The following KCNN2 variants were observed in gnomAD, a reference collection of about 807,000 sequenced individuals.
The protein encoded by KCNN2 is small conductance calcium-activated potassium channel protein 2.
Under a neutral mutation model 55.5 loss-of-function variants are expected in KCNN2, and 24 were observed. The observed-to-expected ratio is 0.43, with a 90% CI of 0.31 to 0.61. The LOEUF (loss-of-function observed/expected upper bound fraction) is 0.61, where lower values mean the gene tolerates loss of function less well. Among genes scored for constraint, KCNN2 ranks in the 20% least tolerant of loss-of-function variants. The pLI, the probability that KCNN2 is intolerant of heterozygous loss-of-function variation, is 0.08. For synonymous variants in KCNN2, 431 were observed against 336.1 expected (o/e 1.28, Z -3.09); for missense variants, 754 against 853.6 (o/e 0.88, Z 1.45).
intron 3 of KCNN2, among the ~76,000 whole-genome samples, chr5:114,417,817 G>C (rs977846560): frequency 1.3e-4 from 20 of 152,142 alleles, no homozygotes; most frequent in African/African-American, 4.8e-4. Context: ...ATGTAAAAAT[G>C]GGGGTACAAA....
intron 4 of KCNN2, 152 bp from the exon 5 acceptor site, chr5:114,472,902 A>G: frequency 2.1e-6 from 1 of 470,318 alleles, no homozygotes; most frequent in Non-Finnish European, 3.8e-6. Flanking sequence ...CATTGCTTAC[A>G]TGTGTTGATC....
At chr5:114,059,653 G>C (rs17136226) in intron 1 of KCNN2, among the ~76,000 whole-genome samples, 3,197 of 152,268 alleles carry the variant, frequency 0.021, 111 homozygotes, top group African/African-American at 0.074. Context: ...AGGCTGTGTT[G>C]TTTTCAATCC....
chr5:114,474,235 C>G (rs1254093038), intron 5 of KCNN2, among the ~76,000 whole-genome samples: 1 of 152,100 alleles, frequency 6.6e-6, no homozygotes, highest in Non-Finnish European at 1.5e-5. Flanking sequence ...CATTTTAATG[C>G]AAATATATAT....
intron 2 of KCNN2, among the ~76,000 whole-genome samples, chr5:114,376,322 C>T (rs1188550288): frequency 6.6e-6 from 1 of 152,200 alleles, no homozygotes; most frequent in Non-Finnish European, 1.5e-5. Flanking sequence ...ACAGAGACCA[C>T]ACGGAACACT....
intron 1 of KCNN2, among the ~76,000 whole-genome samples, chr5:114,195,566 T>G (rs747162183): frequency 1.3e-5 from 2 of 152,060 alleles, no homozygotes; most frequent in Non-Finnish European, 2.9e-5. Context: ...TAATTCATTC[T>G]AATAGTCTTT....
intron 6 of KCNN2, among the ~76,000 whole-genome samples, chr5:114,488,147 C>T (rs1747665005): frequency 6.6e-6 from 1 of 152,168 alleles, no homozygotes; most frequent in African/African-American, 2.4e-5. Flanking sequence ...AATACAAAAC[C>T]TGTCCATTGA....
chr5:114,363,517 T>G (rs999060082), intron 1 of KCNN2, among the ~76,000 whole-genome samples: 2 of 152,222 alleles, frequency 1.3e-5, no homozygotes, highest in East Asian at 3.9e-4. Flanking sequence ...AAGTAAGTGG[T>G]TCTGGAAGTC....
intron 1 of KCNN2, among the ~76,000 whole-genome samples, chr5:114,220,169 C>T (rs1217624792): frequency 1.3e-5 from 2 of 152,098 alleles, no homozygotes; most frequent in African/African-American, 4.8e-5. Context: ...CAAGCCAAAC[C>T]TATAACATAT....
intron 4 of KCNN2, among the ~76,000 whole-genome samples, chr5:114,472,032 A>G (rs985333710): frequency 4.6e-5 from 7 of 152,310 alleles, no homozygotes; most frequent in African/African-American, 1.7e-4. Context: ...TGTTGAGACT[A>G]GCTGGGCAAT....
chr5:114,087,437 A>G (rs1255141326), intron 1 of KCNN2, among the ~76,000 whole-genome samples: 1 of 151,984 alleles, frequency 6.6e-6, no homozygotes, highest in Non-Finnish European at 1.5e-5. Context: ...TTAATCCATC[A>G]TGAGTTAATT....
intron 2 of KCNN2, among the ~76,000 whole-genome samples, chr5:114,295,090 G>A (rs563306488): frequency 2.6e-5 from 4 of 152,224 alleles, no homozygotes; most frequent in East Asian, 1.9e-4. Flanking sequence ...GTACCTGGCC[G>A]TGTGAGGTGT....
chr5:114,404,550 A>G lies in KCNN2; in HGVS notation c.1331A>G (p.Asn444Ser). ...LVCAIHPIPG[N>S]YTFTWTARLA... The stretch of plus-strand genomic sequence containing the variant: ...TGTGCTATTCATCCCATACCTGGGA[A>G]TTATACATTCACATGGACGGCCCGG... The change falls in exon 3 of 8, where the codon AAT (asparagine) becomes AGT (serine). Residue 444 changes from asparagine to serine, a missense_variant. Asn to Ser is a conservative substitution (Grantham distance 46). Coordinates refer to ENST00000673685, the MANE Select transcript of KCNN2 (RefSeq NM_021614.4). 6.2e-7 allele frequency: 1 copy of G among 1,613,802 alleles called. No homozygotes were observed. The highest frequency in any genetic ancestry group is 1.1e-5 in the South Asian group (1 of 91,078).
chr5:114,121,766 C>T (rs536167234), intron 1 of KCNN2, among the ~76,000 whole-genome samples: 1 of 152,204 alleles, frequency 6.6e-6, no homozygotes, highest in Admixed American at 6.5e-5. Flanking sequence ...ACTCTCCCAA[C>T]TTGGTCTTAA....
At chr5:114,480,538 C>T (rs773370895) in intron 5 of KCNN2, among the ~76,000 whole-genome samples, 25 of 152,132 alleles carry the variant, frequency 1.6e-4, no homozygotes, top group East Asian at 3.9e-4. Flanking sequence ...TACCAAAATC[C>T]GGCAGAGATA....
At chr5:114,328,529 C>T (rs1378833042) in intron 2 of KCNN2, among the ~76,000 whole-genome samples, 4 of 152,156 alleles carry the variant, frequency 2.6e-5, no homozygotes, top group Non-Finnish European at 4.4e-5. Flanking sequence ...TTACAGTACA[C>T]ATGTGAGTGC....
intron 2 of KCNN2, among the ~76,000 whole-genome samples, chr5:114,381,789 C>T (rs182973066): frequency 2.0e-5 from 3 of 152,244 alleles, no homozygotes; most frequent in East Asian, 3.9e-4. Flanking sequence ...TATGCTTTAC[C>T]TTCTCAAGGA....
intron 1 of KCNN2, among the ~76,000 whole-genome samples, chr5:114,073,547 G>C (rs918384954): frequency 6.6e-6 from 1 of 152,130 alleles, no homozygotes; most frequent in Admixed American, 6.5e-5. Flanking sequence ...CTTCAGGCCT[G>C]AATGATGCCT....
chr5:114,057,357 T>C (rs1399826343), intron 1 of KCNN2, among the ~76,000 whole-genome samples: 1 of 152,238 alleles, frequency 6.6e-6, no homozygotes, highest in Non-Finnish European at 1.5e-5. Flanking sequence ...ATTATGTCTT[T>C]TTTACAGATG....
In KCNN2 at chr5:114,113,373, C is replaced by T. The variant is rs147190216; in HGVS notation, c.-271+56873C>T. ...AAGTTAAAATCACCAAGCAAAAGAG[C>T]GGTATGTAATCACATACTTAATGTG... On this transcript the variant is annotated intron_variant, in intron 1 of 10. Coordinates refer to the KCNN2 transcript ENST00000512097. Among the ~76,000 whole-genome samples the T allele has an allele frequency of 6.1e-4, 93 of 151,842 alleles. 3 individuals are homozygous for T. The East Asian group carries it at 0.017, about 28-fold the overall frequency.
Sources: gnomAD v4.1 joint callset for allele counts (sites outside exome capture counted in the v4.1 genomes callset) on GRCh38, gnomAD v4.1.1 for gene constraint, MANE v1.5 for transcripts, NCBI Gene and HGNC (gene_info 2026-07-23, HGNC 2026-07-21) for gene names.